The following TULP4 variants were observed in gnomAD, a reference collection of about 807,000 sequenced individuals.
TULP4 encodes the protein TUB like protein 4.
Under a neutral mutation model 129.0 loss-of-function variants are expected in TULP4, and 16 were observed. The ratio of observed to expected loss-of-function variants is 0.12; its 90% CI spans 0.08 to 0.19. TULP4 has a LOEUF of 0.19. TULP4 is among the 10% of genes least tolerant of loss of function. The pLI is 1.00. For synonymous variants in TULP4, 998 were observed against 854.0 expected, an observed-to-expected ratio of 1.17 and a Z score of -2.94; for missense variants, 1,842 against 2,059.1, an observed-to-expected ratio of 0.89 and a Z score of 2.04.
In TULP4 at chr6:158,509,036, C is replaced by T. The variant is rs575176072; in HGVS notation, c.*2342C>T. On this transcript the variant is annotated 3_prime_UTR_variant, in exon 14 of 14. Coordinates refer to ENST00000367097, the MANE Select transcript of TULP4 (RefSeq NM_020245.5). ...CCAAGCAGCTGGGATTATAGACACC[C>T]GCCAACACGCCAGGCTAATGTTTTT... The T allele has an allele frequency of 2.0e-5, 3 of 151,752 alleles. No homozygotes were observed. Among genetic ancestry groups the T allele is most frequent in the African/African-American group, 7.3e-5 (3 of 41,368 alleles). The allele number at this position is 151,752 out of a possible 1,614,324, so 9.4% of individuals were successfully genotyped here.
chr6:158,489,724 A>G lies in TULP4; in HGVS notation c.1623A>G (p.Lys541=), dbSNP rs369757659. Reference sequence around the variant, plus strand: ...TCTCCAGAGCTAGCAAATCACCCAAACTCCCAAGGTAATCTCAGTCTTTGG... The same window carrying G: ...TCTCCAGAGCTAGCAAATCACCCAAGCTCCCAAGGTAATCTCAGTCTTTGG... ...PKISRASKSP[K]LPRISIEARK... is the part of the protein sequence containing the mutation. Residue 541 remains lysine, a synonymous_variant, in exon 9 of 14, where the codon AAA becomes AAG. Transcript: ENST00000367097. The G allele has an allele frequency of 1.2e-6, 2 of 1,613,902 alleles. No individual in the cohort carries two copies. Among genetic ancestry groups the G allele is most frequent in the Non-Finnish European group, 1.7e-6 (2 of 1,179,980 alleles).
intron 1 of TULP4, among the ~76,000 whole-genome samples, chr6:158,363,476 T>TTTTTTG (rs543517946): frequency 9.3e-4 from 141 of 152,310 alleles, no homozygotes; most frequent in Middle Eastern, 3.4e-3. Flanking sequence ...TAGTCACATT[T>TTTTTTG]TTTTTGTTTT....
intron 1 of TULP4, among the ~76,000 whole-genome samples, chr6:158,316,567 A>AAC (rs1420638117): frequency 6.6e-6 from 1 of 152,154 alleles, no homozygotes; most frequent in Non-Finnish European, 1.5e-5. Flanking sequence ...TCCCCCCCTC[A>AAC]ACACACACAC....
intron 1 of TULP4, among the ~76,000 whole-genome samples, chr6:158,331,718 C>CGTATATAT (rs1562523086): frequency 5.4e-4 from 26 of 48,352 alleles, no homozygotes; most frequent in African/African-American, 1.3e-3. Flanking sequence ...CACACACACA[C>CGTATATAT]ACACACACAC....
Position 158,502,793 on chromosome 6 carries a change from G to T in TULP4, c.3130G>T (p.Gly1044Trp). The change falls in exon 13 of 14, where the codon GGG becomes TGG. Residue 1044 changes from glycine to tryptophan, a missense_variant. Gly to Trp is a radical substitution (Grantham distance 184). Transcript: ENST00000367097. ...CACCTGCAGTCAGTGCAGTGGCACA[G>T]GGCCCAGCTCACAGCCCGGAGCCTC... ...LYTCSQCSGT[G>W]PSSQPGASLA... 6.2e-7 allele frequency: 1 copy of T among 1,610,122 alleles called. No homozygotes were observed. The highest frequency in any genetic ancestry group is 1.1e-5 in the South Asian group (1 of 91,008).
intron 2 of TULP4, among the ~76,000 whole-genome samples, chr6:158,417,301 C>G (rs1778231955): frequency 6.6e-6 from 1 of 152,148 alleles, no homozygotes; most frequent in Non-Finnish European, 1.5e-5. Context: ...GGGTTTGGAG[C>G]AGATATTAGA....
Position 158,503,309 on chromosome 6 carries a change from A to C in TULP4, c.3646A>C (p.Thr1216Pro), listed in dbSNP as rs1032110947. 16 of 1,613,628 alleles carry C rather than the reference A, an allele frequency of 9.9e-6. No individual in the cohort carries two copies. The highest frequency in any genetic ancestry group is 1.3e-5 in the Non-Finnish European group (15 of 1,179,910). ...PCSPKDALSPTQFAQQEPAVV... is the reference protein window; with the variant it reads ...PCSPKDALSPPQFAQQEPAVV... ...CTCTCCCAAAGATGCCCTGTCCCCA[A>C]CGCAGTTTGCACAACAGGAGCCTGC... Residue 1216 changes from threonine to proline, a missense_variant, in exon 13 of 14, where the codon ACG becomes CCG. Physicochemically the swap from Thr to Pro is conservative, Grantham distance 38. This residue lies in a region of TULP4 where 1,089 missense variants were observed against 987.1 expected (regional missense o/e 1.10). Transcript: ENST00000367097. This position sits in a 1 kb window ranked among gnomAD's most constrained non-coding sequence, Gnocchi z 4.3.
rs186660923 is a variant in TULP4 at position 158,336,293 on chromosome 6, T to A, written c.252+22025T>A. On this transcript the variant is annotated intron_variant, in intron 1 of 13. Transcript: ENST00000367097. The stretch of plus-strand genomic sequence containing the variant: ...ATAGAAATTTTGGTCACCTTCAAAT[T>A]GTAAAATGTCTATGTATATTGGAGA... Among the ~76,000 whole-genome samples, 541 of 152,348 alleles carry A rather than the reference T, an allele frequency of 3.6e-3. 1 individual carries two copies. Among genetic ancestry groups the A allele is most frequent in the Non-Finnish European group, 5.6e-3 (382 of 68,026 alleles).
intron 1 of TULP4, among the ~76,000 whole-genome samples, chr6:158,239,171 G>A (rs1271056706): frequency 8.8e-6 from 1 of 113,412 alleles, no homozygotes; most frequent in Non-Finnish European, 2.0e-5. Flanking sequence ...GAGGCGGCTG[G>A]CCGGGCGGGG....
At chr6:158,280,006 G>A (rs551121530), upstream of TULP4, among the ~76,000 whole-genome samples, 1 of 152,300 alleles carries the variant, frequency 6.6e-6, no homozygotes, top group South Asian at 2.1e-4. Flanking sequence ...CACGGTAGAC[G>A]TGAGGGTTTG....
Position 158,503,306 on chromosome 6 carries a change from C to T in TULP4, c.3643C>T (p.Pro1215Ser), listed in dbSNP as rs34395018. The T allele has an allele frequency of 2.6e-3, 4,163 of 1,613,856 alleles. 15 individuals are homozygous for T. Among genetic ancestry groups the T allele is most frequent in the Middle Eastern group, 4.6e-3 (28 of 6,062 alleles). The change falls in exon 13 of 14, where the codon CCA becomes TCA. Residue 1215 changes from proline to serine, a missense_variant. Pro to Ser is a moderately conservative substitution (Grantham distance 74). Around this residue, in one of 5 missense-constraint regions of TULP4, gnomAD observed 1,089 missense variants for 987.1 expected, o/e 1.10. Transcript: ENST00000367097. The surrounding 1 kb of genome is among the most constrained non-coding windows in gnomAD (Gnocchi z 4.3). ...CTGCTCTCCCAAAGATGCCCTGTCC[C>T]CAACGCAGTTTGCACAACAGGAGCC... ...APCSPKDALS[P>S]TQFAQQEPAV...
intron 1 of TULP4, among the ~76,000 whole-genome samples, chr6:158,365,199 T>C (rs549774442): frequency 7.9e-5 from 12 of 152,218 alleles, no homozygotes; most frequent in African/African-American, 2.9e-4. Context: ...GTGTTTCTTT[T>C]CACTCTACCT....
intron 1 of TULP4, among the ~76,000 whole-genome samples, chr6:158,239,493 G>C (rs1483233120): frequency 3.1e-5 from 2 of 64,988 alleles, no homozygotes; most frequent in African/African-American, 1.0e-4. Context: ...GGACGGGGAG[G>C]CTGGCCGGGC....
At chr6:158,325,641 G>A (rs376465273) in intron 1 of TULP4, among the ~76,000 whole-genome samples, 394 of 152,234 alleles carry the variant, frequency 2.6e-3, no homozygotes, top group African/African-American at 8.6e-3. Flanking sequence ...GTGAGCCACC[G>A]CGCCCAGCCG....
intron 8 of TULP4, among the ~76,000 whole-genome samples, chr6:158,486,855 A>T (rs1780084240): frequency 6.6e-6 from 1 of 152,206 alleles, no homozygotes; most frequent in South Asian, 2.1e-4. Flanking sequence ...TCACCCCTGT[A>T]ATCCCAGCAC....
intron 2 of TULP4, among the ~76,000 whole-genome samples, chr6:158,415,868 A>G (rs1778198365): frequency 6.6e-6 from 1 of 152,120 alleles, no homozygotes; most frequent in Non-Finnish European, 1.5e-5. Context: ...GACTCACACG[A>G]TCACGAGGTA....
At chr6:158,409,220 T>C (rs920489877) in intron 1 of TULP4, among the ~76,000 whole-genome samples, 4 of 152,316 alleles carry the variant, frequency 2.6e-5, no homozygotes, top group African/African-American at 9.6e-5. Context: ...AGTTCTGCCC[T>C]ATGTTTTTTT....
chr6:158,251,463 TA>T (rs1403361422), intron 1 of TULP4, among the ~76,000 whole-genome samples: 2 of 131,680 alleles, frequency 1.5e-5, no homozygotes, highest in Non-Finnish European at 3.5e-5. Flanking sequence ...TAATATAAAC[TA>T]TTTTTTATAT....
At chr6:158,240,276 T>C (rs1777852610) in intron 1 of TULP4, among the ~76,000 whole-genome samples, 1 of 68,844 alleles carries the variant, frequency 1.5e-5, no homozygotes. Flanking sequence ...GGCTCCTCAC[T>C]TCCCAGTAGG....
Sources: allele counts gnomAD v4.1 joint callset (sites outside exome capture counted in the v4.1 genomes callset), GRCh38; gene constraint gnomAD v4.1.1; regional missense constraint gnomAD v4.1.1; non-coding constraint Gnocchi (gnomAD v3.1); transcripts MANE v1.5; gene names NCBI Gene and HGNC (gene_info 2026-07-23, HGNC 2026-07-21).